Variants in ELOVL2 observed in about 807,000 individuals in gnomAD.
ELOVL2 encodes ELOVL fatty acid elongase 2, also known as very long chain fatty acid elongase 2.
A neutral mutation model predicts 37.7 loss-of-function variants in ELOVL2; 38 were observed. The ratio of observed to expected loss-of-function variants is 1.01; its 90% CI spans 0.78 to 1.32. The LOEUF (loss-of-function observed/expected upper bound fraction) is 1.32, where lower values mean the gene tolerates loss of function less well. Ranked by LOEUF, ELOVL2 falls within the 40% of genes most tolerant of loss-of-function variation. The probability of loss-of-function intolerance (pLI) is 0.00; values close to 1 mark genes in which losing one functional copy is unlikely to be tolerated. For missense variants in ELOVL2, 352 were observed against 363.6 expected, an observed-to-expected ratio of 0.97 and a Z score of 0.26; for synonymous variants, 115 against 122.3, an observed-to-expected ratio of 0.94 and a Z score of 0.40.
rs552386604 is a variant in ELOVL2 at position 11,029,203 on chromosome 6, G to A, written c.3+15025C>T. Among the ~76,000 whole-genome samples the A allele has an allele frequency of 4.1e-3, 573 of 138,650 alleles. 2 individuals are homozygous for A. Among genetic ancestry groups the A allele is most frequent in the African/African-American group, 0.015 (535 of 35,114 alleles). The allele number at this position is 138,650 out of a possible 152,430, so 91.0% of individuals were successfully genotyped here. A position where few individuals can be genotyped will look rare whatever the true frequency, so the allele number is the denominator to read the frequency against. On this transcript the variant is annotated intron_variant, in intron 1 of 7. Coordinates refer to ENST00000354666, the MANE Select transcript of ELOVL2 (RefSeq NM_017770.4). ...AGATCGCGCCACTGCACTTCAGCCC[G>A]GGGCGACAGAGGGAGATCTCAAAAA...
chr6:11,021,569 G>C (rs1561724998), intron 1 of ELOVL2, among the ~76,000 whole-genome samples: 3 of 151,796 alleles, frequency 2.0e-5, no homozygotes, highest in Non-Finnish European at 4.4e-5. Context: ...GAAAGCTTTG[G>C]GAAAGTATCA....
chr6:10,986,468 T>C (rs1204599208), intron 7 of ELOVL2, among the ~76,000 whole-genome samples: 2 of 151,938 alleles, frequency 1.3e-5, no homozygotes, highest in Non-Finnish European at 2.9e-5. Flanking sequence ...CCATTCAGTA[T>C]GATATTGGCT....
chr6:11,016,396 AAC>A (rs1323429937), intron 1 of ELOVL2, among the ~76,000 whole-genome samples: 1 of 152,182 alleles, frequency 6.6e-6, no homozygotes, highest in Non-Finnish European at 1.5e-5. Flanking sequence ...AAGATCACAA[AAC>A]ACACAGTTTG....
chr6:11,028,187 G>A lies in ELOVL2; in HGVS notation c.3+16041C>T, dbSNP rs1782866345. Reference sequence around the variant, plus strand: ...CTATAACTATGTATAAGTTGCTTTGGTTATAGGATGTCTTTTCCTCTTTGG... The same window carrying A: ...CTATAACTATGTATAAGTTGCTTTGATTATAGGATGTCTTTTCCTCTTTGG... On this transcript the variant is annotated intron_variant, in intron 1 of 7. Coordinates refer to ENST00000354666, the MANE Select transcript of ELOVL2 (RefSeq NM_017770.4). Among the ~76,000 whole-genome samples, 3 of 152,120 alleles carry A rather than the reference G, an allele frequency of 2.0e-5. No individual in the cohort carries two copies. The South Asian group carries it at 6.2e-4, about 32-fold the overall frequency.
chr6:10,993,146 G>C (rs1782196449), intron 5 of ELOVL2, among the ~76,000 whole-genome samples: 1 of 152,154 alleles, frequency 6.6e-6, no homozygotes, highest in Non-Finnish European at 1.5e-5. Context: ...TATTAAACAG[G>C]CATTTGTTTG....
In ELOVL2 at chr6:11,044,146, T is replaced by C; in HGVS notation, c.3+82A>G. ...CCGCAGCGCCCGCGCCGGCGCCCGC[T>C]CGGCCCTTTCCCGCCCGGTGCGTGG... On this transcript the variant is annotated intron_variant, in intron 1 of 7. Coordinates refer to ENST00000354666, the MANE Select transcript of ELOVL2 (RefSeq NM_017770.4). The surrounding 1 kb of genome is among the most constrained non-coding windows in gnomAD (Gnocchi z 5.6). 7.2e-7 allele frequency: 1 copy of C among 1,382,336 alleles called. No individual in the cohort carries two copies. The highest frequency in any genetic ancestry group is 1.5e-5 in the South Asian group (1 of 65,918). 85.6% of individuals were successfully genotyped at this position (1,382,336 alleles called of 1,614,324 possible). A position where few individuals can be genotyped will look rare whatever the true frequency, so the allele number is the denominator to read the frequency against.
chr6:11,013,566 C>T (rs1371126926), intron 1 of ELOVL2, among the ~76,000 whole-genome samples: 4 of 152,146 alleles, frequency 2.6e-5, no homozygotes, highest in Non-Finnish European at 5.9e-5. Flanking sequence ...GTACATAACA[C>T]TTTGTCATAC....
At chr6:11,018,974 T>C (rs1782724332) in intron 1 of ELOVL2, among the ~76,000 whole-genome samples, 1 of 152,172 alleles carries the variant, frequency 6.6e-6, no homozygotes, top group Non-Finnish European at 1.5e-5. Flanking sequence ...TTTTACCTTA[T>C]ATTTCCTGTA....
intron 1 of ELOVL2, among the ~76,000 whole-genome samples, chr6:11,028,696 GTAA>G (rs959156674): frequency 6.6e-6 from 1 of 151,292 alleles, no homozygotes; most frequent in Non-Finnish European, 1.5e-5. Context: ...ACAAATGATA[GTAA>G]TAATAGTAAT....
At chr6:10,988,496 A>G (rs1782088520) in intron 7 of ELOVL2, among the ~76,000 whole-genome samples, 1 of 152,082 alleles carries the variant, frequency 6.6e-6, no homozygotes, top group East Asian at 1.9e-4. Context: ...CCCAGGAAGC[A>G]GAGGTTGTGT....
chr6:11,023,198 C>A (rs1008380718), intron 1 of ELOVL2, among the ~76,000 whole-genome samples: 5 of 152,170 alleles, frequency 3.3e-5, no homozygotes, highest in Non-Finnish European at 7.3e-5. Flanking sequence ...ATTCAGGACA[C>A]CTTGGAACTG....
chr6:10,993,277 C>T (rs567154807), intron 5 of ELOVL2, among the ~76,000 whole-genome samples: 10 of 152,254 alleles, frequency 6.6e-5, no homozygotes, highest in African/African-American at 2.2e-4. Context: ...TTAACAGACA[C>T]GGCTTTTAAA....
intron 1 of ELOVL2, among the ~76,000 whole-genome samples, chr6:11,023,685 C>G (rs573132993): frequency 9.9e-5 from 15 of 152,130 alleles, no homozygotes; most frequent in Non-Finnish European, 1.8e-4. Context: ...AAATCTTCAG[C>G]ACGCGCTGTT....
chr6:11,011,553 G>A (rs1164505567), intron 1 of ELOVL2, among the ~76,000 whole-genome samples: 2 of 152,122 alleles, frequency 1.3e-5, no homozygotes, highest in East Asian at 3.8e-4. Context: ...TGAAAATTCA[G>A]GCTGAACTGT....
chr6:11,020,174 C>T (rs933197415), intron 1 of ELOVL2, among the ~76,000 whole-genome samples: 2 of 115,362 alleles, frequency 1.7e-5, no homozygotes, highest in Non-Finnish European at 3.4e-5. Context: ...CAAGTTCCTC[C>T]TTAAGTCTTA....
chr6:11,005,534 C>A lies in ELOVL2; in HGVS notation c.93G>T (p.Met31Ile). The stretch of plus-strand genomic sequence containing the variant: ...AAAAGGTAGGAAGGTAAGAGTCCAA[C>A]ATGAACCACCCTCTGACTCGAGAAT... ...PRDSRVRGWF[M>I]LDSYLPTFFL... is the part of the protein sequence containing the mutation. The change falls in exon 3 of 8, where the codon ATG becomes ATT. Residue 31 changes from methionine to isoleucine, a missense_variant. By Grantham distance (10) the Met-to-Ile change is conservative. Transcript: ENST00000354666. 6.2e-7 allele frequency: 1 copy of A among 1,613,670 alleles called. No homozygotes were observed. The highest frequency in any genetic ancestry group is 8.5e-7 in the Non-Finnish European group (1 of 1,179,830).
At chr6:10,996,602 G>A (rs919786071) in intron 4 of ELOVL2, among the ~76,000 whole-genome samples, 7 of 151,442 alleles carry the variant, frequency 4.6e-5, no homozygotes, top group African/African-American at 9.7e-5. Flanking sequence ...CCCAGGAGGC[G>A]GAGCTTGCAG....
At chr6:11,036,850 A>G (rs1387202885) in intron 1 of ELOVL2, among the ~76,000 whole-genome samples, 1 of 152,198 alleles carries the variant, frequency 6.6e-6, no homozygotes, top group Non-Finnish European at 1.5e-5. Context: ...AATTGAAAAT[A>G]GCCTAATTTT....
chr6:10,995,555 C>T (rs1023132294), intron 4 of ELOVL2, among the ~76,000 whole-genome samples: 3 of 152,202 alleles, frequency 2.0e-5, no homozygotes, highest in Admixed American at 2.0e-4. Context: ...CTGCTTACTC[C>T]TCCTCCAGCC....
Sources: gnomAD v4.1 joint callset for allele counts (sites outside exome capture counted in the v4.1 genomes callset) on GRCh38, gnomAD v4.1.1 for gene constraint, Gnocchi (gnomAD v3.1) non-coding constraint, MANE v1.5 for transcripts, NCBI Gene and HGNC (gene_info 2026-07-23, HGNC 2026-07-21) for gene names.